The following XYLT1 variants were observed in gnomAD, a reference collection of about 807,000 sequenced individuals.
XYLT1 encodes the protein xylosyltransferase 1.
A neutral mutation model predicts 91.3 loss-of-function variants in XYLT1; 36 were observed. That is an observed-to-expected ratio of 0.39 (90% confidence interval 0.30 to 0.52). The LOEUF (loss-of-function observed/expected upper bound fraction) is 0.52, where lower values mean the gene tolerates loss of function less well. Ranked by LOEUF, XYLT1 falls within the 20% of genes least tolerant of loss-of-function variation. The pLI is 0.68. For synonymous variants in XYLT1, 588 were observed against 532.0 expected, an observed-to-expected ratio of 1.11 and a Z score of -1.45; for missense variants, 1,242 against 1,284.5, an observed-to-expected ratio of 0.97 and a Z score of 0.51.
At chr16:17,184,519 G>A (rs1246604012) in intron 5 of XYLT1, among the ~76,000 whole-genome samples, 3 of 143,676 alleles carry the variant, frequency 2.1e-5, no homozygotes, top group Non-Finnish European at 4.5e-5. Context: ...TCGATGTAAG[G>A]TTCATGAGCG....
chr16:17,353,975 C>T (rs2035258041), intron 2 of XYLT1, among the ~76,000 whole-genome samples: 1 of 152,198 alleles, frequency 6.6e-6, no homozygotes, highest in South Asian at 2.1e-4. Flanking sequence ...AATCGGGTAT[C>T]ACACAAACAC....
intron 1 of XYLT1, among the ~76,000 whole-genome samples, chr16:17,404,083 G>A (rs1392838956): frequency 7.5e-6 from 1 of 133,324 alleles, no homozygotes; most frequent in African/African-American, 2.9e-5. Context: ...CTGTATGTGT[G>A]TGTGTCTATG....
At chr16:17,422,381 T>A (rs751661475) in intron 1 of XYLT1, among the ~76,000 whole-genome samples, 1 of 152,094 alleles carries the variant, frequency 6.6e-6, no homozygotes, top group South Asian at 2.1e-4. Context: ...AAATTTTTCA[T>A]AGAGATGAGG....
chr16:17,208,953 T>A (rs2032709458), intron 3 of XYLT1, among the ~76,000 whole-genome samples: 1 of 152,104 alleles, frequency 6.6e-6, no homozygotes, highest in Non-Finnish European at 1.5e-5. Context: ...TCTCAAACTC[T>A]TGACTGCAGG....
chr16:17,241,253 G>C (rs369168097), intron 3 of XYLT1, among the ~76,000 whole-genome samples: 1 of 152,216 alleles, frequency 6.6e-6, no homozygotes, highest in Non-Finnish European at 1.5e-5. Flanking sequence ...CTGTGTTCAC[G>C]GCAATAAACA....
intron 6 of XYLT1, among the ~76,000 whole-genome samples, chr16:17,152,962 T>C (rs188622680): frequency 1.7e-3 from 258 of 152,296 alleles, no homozygotes; most frequent in African/African-American, 6.0e-3. Flanking sequence ...TTTCATCACA[T>C]GCCCACTTAT....
intron 3 of XYLT1, among the ~76,000 whole-genome samples, chr16:17,205,075 C>G (rs1169622598): frequency 6.6e-6 from 1 of 151,770 alleles, no homozygotes; most frequent in Non-Finnish European, 1.5e-5. Flanking sequence ...GCAGGAGAAG[C>G]TGACTTCAGA....
chr16:17,391,166 C>G lies in XYLT1; in HGVS notation c.364-33116G>C, dbSNP rs1002359487. Among the ~76,000 whole-genome samples the G allele has an allele frequency of 6.6e-5, 10 of 152,312 alleles. No individual in the cohort carries two copies. The East Asian group carries it at 1.9e-3, about 29-fold the overall frequency. ...ATTCCTCCTGCAGATAACATCACTCCTGTAGAACCTAAGATTGGCCTTTTG... is the reference window on the plus strand; with the variant it reads ...ATTCCTCCTGCAGATAACATCACTCGTGTAGAACCTAAGATTGGCCTTTTG... On this transcript the variant is annotated intron_variant, in intron 1 of 11. Transcript: ENST00000261381.
At chr16:17,138,219 TAAC>T in intron 8 of XYLT1, 133 bp downstream of exon 8, 1 of 866,008 alleles carries the variant, frequency 1.2e-6, no homozygotes, top group East Asian at 3.0e-5. Context: ...TTGATACTGT[TAAC>T]TATTATTAAT....
chr16:17,390,555 A>C (rs971962348), intron 1 of XYLT1, among the ~76,000 whole-genome samples: 5 of 152,258 alleles, frequency 3.3e-5, no homozygotes, highest in Non-Finnish European at 5.9e-5. Context: ...AAATTATGAC[A>C]GTGAAAGAGG....
At chr16:17,259,575 A>T in intron 2 of XYLT1, 77 bp from the exon 3 acceptor site, 2 of 1,522,044 alleles carry the variant, frequency 1.3e-6, no homozygotes, top group Non-Finnish European at 1.8e-6. Flanking sequence ...TTGAAGAGTG[A>T]GTCATACGGA....
At chr16:17,109,405 A>G (rs1423778999) in intron 11 of XYLT1, among the ~76,000 whole-genome samples, 2 of 152,190 alleles carry the variant, frequency 1.3e-5, no homozygotes, top group Non-Finnish European at 2.9e-5. Flanking sequence ...CATATTAAGT[A>G]CCTATTAGGT....
At chr16:17,450,169 C>G (rs969223212) in intron 1 of XYLT1, among the ~76,000 whole-genome samples, 2 of 152,020 alleles carry the variant, frequency 1.3e-5, no homozygotes, top group Non-Finnish European at 1.5e-5. Flanking sequence ...GAAACCCCAC[C>G]TCTACTAAAA....
intron 2 of XYLT1, among the ~76,000 whole-genome samples, chr16:17,325,037 G>A (rs1160757910): frequency 6.6e-6 from 1 of 152,076 alleles, no homozygotes; most frequent in African/African-American, 2.4e-5. Flanking sequence ...AAAACGCTAT[G>A]TAACTGCATG....
In XYLT1 at chr16:17,104,650, AAAAAC is replaced by A. The variant is rs1230790496; in HGVS notation, c.*4040_*4044del. On this transcript the variant is annotated 3_prime_UTR_variant, in exon 12 of 12. Transcript: ENST00000261381. ...TTGCCCACTATCTGTTAAAAAAAAC[AAAAAC>A]AAACAAACAAACAACCCGACGTTGA... The A allele has an allele frequency of 1.3e-5, 2 of 151,838 alleles. No homozygotes were observed. The highest frequency in any genetic ancestry group is 4.9e-5 in the African/African-American group (2 of 41,166). 9.4% of individuals were successfully genotyped at this position (151,838 alleles called of 1,614,324 possible).
At chr16:17,307,950 T>C (rs1269082427) in intron 2 of XYLT1, among the ~76,000 whole-genome samples, 2 of 152,124 alleles carry the variant, frequency 1.3e-5, no homozygotes, top group African/African-American at 2.4e-5. Context: ...GTCTCAAAAA[T>C]AGTCAGAGAG....
At chr16:17,117,206 G>A (rs1426438264) in intron 11 of XYLT1, among the ~76,000 whole-genome samples, 1 of 152,174 alleles carries the variant, frequency 6.6e-6, no homozygotes, top group Non-Finnish European at 1.5e-5. Context: ...CTGAACATGA[G>A]TACTTTAAAA....
intron 1 of XYLT1, among the ~76,000 whole-genome samples, chr16:17,429,428 A>G (rs28498419): frequency 0.52 from 78,744 of 152,110 alleles, 23,174 homozygotes; most frequent in African/African-American, 0.79. Context: ...CTCACCTCCA[A>G]GGATGGCGAA....
chr16:17,406,254 A>T (rs2036031599), intron 1 of XYLT1, among the ~76,000 whole-genome samples: 1 of 152,212 alleles, frequency 6.6e-6, no homozygotes, highest in Non-Finnish European at 1.5e-5. Flanking sequence ...AGCACCTACT[A>T]TATGATGAGT....
Sources: allele counts gnomAD v4.1 joint callset (sites outside exome capture counted in the v4.1 genomes callset), GRCh38; gene constraint gnomAD v4.1.1; transcripts MANE v1.5; gene names NCBI Gene and HGNC (gene_info 2026-07-23, HGNC 2026-07-21).